The following SPOCK1 variants were observed in gnomAD, a reference collection of about 807,000 sequenced individuals.
SPOCK1 encodes the protein testican-1.
In SPOCK1, 23 loss-of-function variants were observed where a neutral mutation model predicts 55.3. The observed-to-expected ratio is 0.42, with a 90% CI of 0.30 to 0.59. The LOEUF (loss-of-function observed/expected upper bound fraction) is 0.59. Ranked by LOEUF, SPOCK1 falls within the 20% of genes least tolerant of loss-of-function variation. The pLI is 0.22. For synonymous variants in SPOCK1, 226 were observed against 221.0 expected (o/e 1.02, Z -0.20); for missense variants, 499 against 552.5 (o/e 0.90, Z 0.97).
At chr5:137,213,945 G>C (rs1755665714) in intron 3 of SPOCK1, among the ~76,000 whole-genome samples, 1 of 152,170 alleles carries the variant, frequency 6.6e-6, no homozygotes, top group South Asian at 2.1e-4. Context: ...AAACCAATGT[G>C]CATCTGTTCG....
intron 2 of SPOCK1, among the ~76,000 whole-genome samples, chr5:137,409,584 T>C (rs1048047241): frequency 1.3e-5 from 2 of 152,212 alleles, no homozygotes; most frequent in African/African-American, 2.4e-5. Flanking sequence ...AAGGATTAAA[T>C]AAAATTAGCC....
chr5:136,979,099 G>A (rs532448809), intron 10 of SPOCK1, among the ~76,000 whole-genome samples: 7 of 152,280 alleles, frequency 4.6e-5, no homozygotes, highest in African/African-American at 1.7e-4. Context: ...GGCAGCCTAA[G>A]TCACCCTTTG....
At chr5:137,128,457 C>G (rs930347597) in intron 4 of SPOCK1, among the ~76,000 whole-genome samples, 1 of 152,222 alleles carries the variant, frequency 6.6e-6, no homozygotes, top group Admixed American at 6.5e-5. Context: ...GAACTAGAGG[C>G]TCAGATGAAA....
At chr5:137,376,550 G>T (rs192841864) in intron 2 of SPOCK1, among the ~76,000 whole-genome samples, 22 of 152,310 alleles carry the variant, frequency 1.4e-4, no homozygotes, top group African/African-American at 5.1e-4. Context: ...GCAGAGGGGG[G>T]CCTTTTAAAA....
chr5:137,420,895 T>C (rs1468675636), intron 2 of SPOCK1, among the ~76,000 whole-genome samples: 1 of 152,228 alleles, frequency 6.6e-6, no homozygotes, highest in African/African-American at 2.4e-5. Context: ...TGTCAGGTTG[T>C]CAATTTTAGA....
chr5:137,391,330 T>C (rs1392668124), intron 2 of SPOCK1, among the ~76,000 whole-genome samples: 1 of 152,164 alleles, frequency 6.6e-6, no homozygotes, highest in Non-Finnish European at 1.5e-5. Flanking sequence ...TTCCAAGTTT[T>C]GCTATTGTGA....
At chr5:137,377,289 C>T (rs181218235) in intron 2 of SPOCK1, among the ~76,000 whole-genome samples, 1 of 152,180 alleles carries the variant, frequency 6.6e-6, no homozygotes, top group Non-Finnish European at 1.5e-5. Flanking sequence ...GAATCTGATG[C>T]CTCTGCAACA....
At chr5:137,401,428 G>GGGTAT (rs1186639411) in intron 2 of SPOCK1, among the ~76,000 whole-genome samples, 1 of 151,982 alleles carries the variant, frequency 6.6e-6, no homozygotes, top group Non-Finnish European at 1.5e-5. Flanking sequence ...TCTTAAAGCT[G>GGGTAT]GGTATGGTGT....
chr5:137,478,099 T>C (rs896543677), intron 2 of SPOCK1, among the ~76,000 whole-genome samples: 8 of 152,188 alleles, frequency 5.3e-5, no homozygotes, highest in African/African-American at 1.7e-4. Flanking sequence ...TGGGATTTTC[T>C]AGCAGAACCA....
At chr5:137,135,178 G>C (rs1753957609) in intron 4 of SPOCK1, among the ~76,000 whole-genome samples, 1 of 152,192 alleles carries the variant, frequency 6.6e-6, no homozygotes, top group Non-Finnish European at 1.5e-5. Flanking sequence ...CAATACACTT[G>C]CAGAATTTGA....
At chr5:137,399,033 T>C (rs1374217100) in intron 2 of SPOCK1, among the ~76,000 whole-genome samples, 1 of 151,722 alleles carries the variant, frequency 6.6e-6, no homozygotes, top group Non-Finnish European at 1.5e-5. Flanking sequence ...CTAAAGCTTA[T>C]GCAATGAAAG....
chr5:137,380,729 T>C (rs1919511), intron 2 of SPOCK1, among the ~76,000 whole-genome samples: 113,874 of 151,958 alleles, frequency 0.75, 42,840 homozygotes, highest in Middle Eastern at 0.86. Context: ...CCCTACAATC[T>C]GATCACCTCC....
At chr5:137,097,160 T>C (rs1425999847) in intron 5 of SPOCK1, among the ~76,000 whole-genome samples, 1 of 152,184 alleles carries the variant, frequency 6.6e-6, no homozygotes, top group Non-Finnish European at 1.5e-5. Flanking sequence ...TGGAGTATGA[T>C]GCCCAGGTCA....
At chr5:137,465,471 C>T (rs149468168) in intron 2 of SPOCK1, among the ~76,000 whole-genome samples, 138 of 152,122 alleles carry the variant, frequency 9.1e-4, no homozygotes, top group African/African-American at 3.1e-3. Flanking sequence ...ATTGTAAACT[C>T]GTCTTTTACT....
chr5:137,229,600 C>T (rs1159338362), intron 3 of SPOCK1, among the ~76,000 whole-genome samples: 2 of 152,126 alleles, frequency 1.3e-5, no homozygotes, highest in Non-Finnish European at 2.9e-5. Context: ...TAACAGGGGG[C>T]TCAGACGAGA....
At chr5:137,186,136 G>T (rs895066068) in intron 3 of SPOCK1, among the ~76,000 whole-genome samples, 2 of 152,132 alleles carry the variant, frequency 1.3e-5, no homozygotes, top group African/African-American at 4.8e-5. Context: ...GAGTCACCCC[G>T]TCTTTAACAA....
chr5:137,407,720 A>T (rs1348971278), intron 2 of SPOCK1, among the ~76,000 whole-genome samples: 1 of 152,138 alleles, frequency 6.6e-6, no homozygotes, highest in African/African-American at 2.4e-5. Flanking sequence ...TCTCCCCCCA[A>T]CACAAAACAG....
At chr5:137,139,509 C>A (rs1754051005) in intron 4 of SPOCK1, among the ~76,000 whole-genome samples, 2 of 151,868 alleles carry the variant, frequency 1.3e-5, no homozygotes, top group Admixed American at 1.3e-4. Flanking sequence ...GGATAGGACC[C>A]ATTCTGCATG....
At chr5:137,302,447 C>CGT (rs1757616144) in intron 2 of SPOCK1, among the ~76,000 whole-genome samples, 2 of 150,816 alleles carry the variant, frequency 1.3e-5, no homozygotes, top group Non-Finnish European at 2.9e-5. Context: ...TGTGGTGGCA[C>CGT]GCACCTGTAG....
Sources: gnomAD v4.1 joint callset for allele counts (sites outside exome capture counted in the v4.1 genomes callset) on GRCh38, gnomAD v4.1.1 for gene constraint, MANE v1.5 for transcripts, NCBI Gene and HGNC (gene_info 2026-07-23, HGNC 2026-07-21) for gene names.